The following LLGL2 variants were observed in gnomAD, a reference collection of about 807,000 sequenced individuals.
LLGL2 encodes LLGL scribble cell polarity complex component 2.
A neutral mutation model predicts 123.2 loss-of-function variants in LLGL2; 81 were observed. That is an observed-to-expected ratio of 0.66 (90% CI 0.55 to 0.79). The LOEUF is 0.79. Among genes scored for constraint, LLGL2 ranks in the 30% least tolerant of loss-of-function variants. The probability of loss-of-function intolerance (pLI) is 0.00; values close to 1 mark genes in which losing one functional copy is unlikely to be tolerated. For missense variants in LLGL2, 1,273 were observed against 1,414.6 expected (o/e 0.90, Z 1.61); for synonymous variants, 577 against 594.1 (o/e 0.97, Z 0.42).
intron 1 of LLGL2, among the ~76,000 whole-genome samples, chr17:75,541,962 C>T (rs1259642210): frequency 3.9e-5 from 6 of 151,970 alleles, no homozygotes; most frequent in African/African-American, 1.4e-4. Context: ...AACTCTTGAC[C>T]TGAGGTGATC....
chr17:75,533,100 C>T (rs539793152), intron 1 of LLGL2, among the ~76,000 whole-genome samples: 140 of 150,972 alleles, frequency 9.3e-4, no homozygotes, highest in Middle Eastern at 3.5e-3. Flanking sequence ...CCCGGGTTCA[C>T]GCCATTCTCC....
rs574408698 is a variant in LLGL2, at chr17:75,560,862, C to T, written c.530+1452C>T. On this transcript the variant is annotated intron_variant, in intron 6 of 25. Transcript: ENST00000392550. ...GAAAAAACATTTTTTTTGAGAGAGT[C>T]TTACTCTGTCCCAGGCCGAAGTGCA... 4.3e-5 allele frequency among the ~76,000 whole-genome samples: 6 copies of T among 138,226 alleles called. No homozygotes were observed. In the South Asian group the frequency reaches 1.6e-3, roughly 36 times the overall value. 90.7% of individuals were successfully genotyped at this position (138,226 alleles called of 152,430 possible).
At chr17:75,554,582 A>G (rs1248153606) in intron 2 of LLGL2, among the ~76,000 whole-genome samples, 1 of 151,216 alleles carries the variant, frequency 6.6e-6, no homozygotes, top group Admixed American at 6.6e-5. Flanking sequence ...ATCATGCCGT[A>G]GCACCCAGCC....
At chr17:75,531,795 G>T (rs1303093097) in intron 1 of LLGL2, among the ~76,000 whole-genome samples, 1 of 152,168 alleles carries the variant, frequency 6.6e-6, no homozygotes, top group Non-Finnish European at 1.5e-5. Flanking sequence ...CTTCCCCACA[G>T]CCCTGCCTCT....
intron 2 of LLGL2, among the ~76,000 whole-genome samples, chr17:75,547,862 C>T (rs1179560815): frequency 6.6e-6 from 1 of 151,508 alleles, no homozygotes; most frequent in Middle Eastern, 3.2e-3. Context: ...GGAATGTGAC[C>T]AGGTTACAGG....
At chr17:75,572,254 G>T (rs867360227) in intron 19 of LLGL2, among the ~76,000 whole-genome samples, 190 bp downstream of exon 19, 1 of 152,160 alleles carries the variant, frequency 6.6e-6, no homozygotes, top group Non-Finnish European at 1.5e-5. Context: ...GGGGCCAGGC[G>T]CGGTGACTCA....
At chr17:75,547,824 CAAA>C (rs34638571) in intron 2 of LLGL2, among the ~76,000 whole-genome samples, 1 of 139,658 alleles carries the variant, frequency 7.2e-6, no homozygotes, top group Non-Finnish European at 1.6e-5. Context: ...GACCCTGTCT[CAAA>C]AAAAAAAAAA....
At chr17:75,568,170 G>A in intron 10 of LLGL2, 2 of 1,290,852 alleles carry the variant, frequency 1.5e-6, no homozygotes, top group South Asian at 4.1e-5. Flanking sequence ...AGAAACCAGG[G>A]AAGAGGGTTG....
Position 75,570,238 on chromosome 17 carries a change from G to A in LLGL2, c.1857G>A (p.Arg619=). Residue 619 remains arginine, a synonymous_variant, in exon 15 of 26, where the codon CGG becomes CGA. Transcript: ENST00000392550. The part of the protein sequence containing the change: ...HGFGLFDHQQ[R]RQVFVKCTLH... ...TTGGCCTCTTTGACCACCAGCAGCG[G>A]CGGCAGGTCTTTGTTAAGTGAGCAG... The A allele has an allele frequency of 6.2e-7, 1 of 1,601,434 alleles. No individual in the cohort carries two copies. The highest frequency in any genetic ancestry group is 1.1e-5 in the South Asian group (1 of 89,786).
Position 75,558,158 on chromosome 17 carries a change from C to T in LLGL2, c.177C>T (p.Tyr59=), listed in dbSNP as rs372576504. The T allele has an allele frequency of 2.9e-5, 47 of 1,613,722 alleles. No homozygotes were observed. The highest frequency in any genetic ancestry group is 1.3e-4 in the South Asian group (12 of 91,082). ...GCTTTCCTGAGCCTACTCCTAGCTA[C>T]GGAGCCCCAGGCGTGGAGTTCATGG... ...IGTRSGAIKL[Y]GAPGVEFMGL... The change falls in exon 4 of 26, where the codon TAC becomes TAT. Residue 59 remains tyrosine (Y), a synonymous_variant. Coordinates refer to ENST00000392550, the MANE Select transcript of LLGL2 (RefSeq NM_001031803.2). The surrounding 1 kb of genome is among the most constrained non-coding windows in gnomAD (Gnocchi z 4.0).
rs745372373 is a variant in LLGL2, at chr17:75,558,025, C to A, written c.174-130C>A. The stretch of plus-strand genomic sequence containing the variant: ...CCCACCCTAGGCTCCATGCATGGGT[C>A]CTGCTGCCTCGGGGGAGGGCAGCCC... On this transcript the variant is annotated intron_variant, in intron 3 of 25. Transcript: ENST00000392550. The surrounding 1 kb of genome is among the most constrained non-coding windows in gnomAD (Gnocchi z 4.0). 2 of 880,120 alleles carry A rather than the reference C, an allele frequency of 2.3e-6. No individual in the cohort carries two copies. The allele number at this position is 880,120 out of a possible 1,614,324, so 54.5% of individuals were successfully genotyped here. A position where few individuals can be genotyped will look rare whatever the true frequency, so the allele number is the denominator to read the frequency against.
intron 10 of LLGL2, among the ~76,000 whole-genome samples, chr17:75,566,500 G>A (rs2055449173): frequency 6.6e-6 from 1 of 152,228 alleles, no homozygotes; most frequent in Admixed American, 6.5e-5. Flanking sequence ...CTCACAGACT[G>A]TTGCTATAAA....
At chr17:75,561,109 G>A (rs1380108575) in intron 6 of LLGL2, among the ~76,000 whole-genome samples, 1 of 152,196 alleles carries the variant, frequency 6.6e-6, no homozygotes, top group East Asian at 1.9e-4. Context: ...TGGGATTACA[G>A]GTGTGAGCCA....
In LLGL2 at chr17:75,565,737, G is replaced by A. The variant is rs1042907796; in HGVS notation, c.1036+1230G>A. Among the ~76,000 whole-genome samples the A allele has an allele frequency of 2.0e-5, 3 of 152,150 alleles. No individual in the cohort carries two copies. The South Asian group carries it at 6.2e-4, about 32-fold the overall frequency. ...TGTGTCCCCAACTCCCCGCAGTCCC[G>A]CAGGCCAGGAGGTGGGTGCCTGATG... On this transcript the variant is annotated intron_variant, in intron 10 of 25. Coordinates refer to ENST00000392550, the MANE Select transcript of LLGL2 (RefSeq NM_001031803.2).
At chr17:75,567,961 A>C in intron 10 of LLGL2, 1 of 723,316 alleles carries the variant, frequency 1.4e-6, no homozygotes, top group Non-Finnish European at 1.7e-6. Context: ...AAAAAAAAAA[A>C]AAAAGACAAA....
chr17:75,551,174 G>A (rs939469316), intron 2 of LLGL2, among the ~76,000 whole-genome samples: 3 of 152,148 alleles, frequency 2.0e-5, no homozygotes, highest in Non-Finnish European at 2.9e-5. Context: ...TTTTAGGGGA[G>A]CCCTGGTCCC....
intron 10 of LLGL2, chr17:75,568,093 C>T (rs941881711): frequency 1.4e-5 from 16 of 1,135,810 alleles, no homozygotes; most frequent in African/African-American, 1.3e-4. Context: ...GAAGACCACG[C>T]GTGCTGCTGC....
chr17:75,570,844 G>A, intron 16 of LLGL2, 106 bp from the exon 17 acceptor site: 1 of 1,410,016 alleles, frequency 7.1e-7, no homozygotes, highest in Non-Finnish European at 9.5e-7. Context: ...CAGGTGGCTG[G>A]CATGGCTGTG....
chr17:75,543,892 C>T (rs2054309763), intron 2 of LLGL2, among the ~76,000 whole-genome samples: 1 of 152,080 alleles, frequency 6.6e-6, no homozygotes, highest in Non-Finnish European at 1.5e-5. Context: ...GATAATGTTC[C>T]AGGTCCCTTG....
Sources: gnomAD v4.1 joint callset for allele counts (sites outside exome capture counted in the v4.1 genomes callset) on GRCh38, gnomAD v4.1.1 for gene constraint, Gnocchi (gnomAD v3.1) non-coding constraint, MANE v1.5 for transcripts, NCBI Gene and HGNC (gene_info 2026-07-23, HGNC 2026-07-21) for gene names.